The following VAT1L variants were observed in gnomAD, a reference collection of about 807,000 sequenced individuals.
The protein encoded by VAT1L is putative NADPH-dependent quinone oxidoreductase VAT1L.
VAT1L carries 34 observed loss-of-function variants against 44.1 expected under a neutral mutation model. The ratio of observed to expected loss-of-function variants is 0.77; its 90% confidence interval spans 0.59 to 1.03. The LOEUF (loss-of-function observed/expected upper bound fraction) is 1.03, where lower values mean the gene tolerates loss of function less well. Ranked by LOEUF, VAT1L falls within the 50% of genes least tolerant of loss-of-function variation. The pLI is 0.00. For missense variants in VAT1L, 615 were observed against 538.8 expected (o/e 1.14, Z -1.40); for synonymous variants, 253 against 202.2 (o/e 1.25, Z -2.13).
intron 3 of VAT1L, among the ~76,000 whole-genome samples, chr16:77,826,898 C>G (rs902056617): frequency 2.6e-5 from 4 of 152,230 alleles, no homozygotes; most frequent in African/African-American, 4.8e-5. Flanking sequence ...TTTGGTGTAT[C>G]TCAGAGATAT....
intron 2 of VAT1L, among the ~76,000 whole-genome samples, chr16:77,820,637 G>T (rs1474350623): frequency 6.6e-6 from 1 of 152,146 alleles, no homozygotes; most frequent in African/African-American, 2.4e-5. Context: ...TCTGCAGAGA[G>T]ACAGATCTGA....
At chr16:77,844,213 GA>G (rs1327158508) in intron 3 of VAT1L, among the ~76,000 whole-genome samples, 1 of 152,068 alleles carries the variant, frequency 6.6e-6, no homozygotes, top group Non-Finnish European at 1.5e-5. Context: ...AATATTTTTT[GA>G]AAATGGATAC....
intron 7 of VAT1L, among the ~76,000 whole-genome samples, chr16:77,885,627 T>G (rs1368074768): frequency 6.6e-6 from 1 of 151,892 alleles, no homozygotes; most frequent in African/African-American, 2.4e-5. Context: ...TTTTAAAATA[T>G]GTGGGAATGT....
chr16:77,849,439 GCTC>G (rs1210879423), intron 3 of VAT1L, among the ~76,000 whole-genome samples: 1 of 152,184 alleles, frequency 6.6e-6, no homozygotes, highest in African/African-American at 2.4e-5. Context: ...TGTACCAGGG[GCTC>G]CAGATAAGAG....
chr16:77,859,668 T>C (rs1458173054), intron 3 of VAT1L, among the ~76,000 whole-genome samples: 1 of 152,166 alleles, frequency 6.6e-6, no homozygotes, highest in Admixed American at 6.5e-5. Flanking sequence ...AGAAATGTGA[T>C]GATCCAGACT....
At chr16:77,919,656 G>T (rs1280442215) in intron 7 of VAT1L, among the ~76,000 whole-genome samples, 1 of 152,184 alleles carries the variant, frequency 6.6e-6, no homozygotes, top group Admixed American at 6.5e-5. Context: ...GAAGGACAAA[G>T]AAATTACAAA....
intron 3 of VAT1L, among the ~76,000 whole-genome samples, chr16:77,840,030 G>A (rs1001258186): frequency 2.3e-5 from 3 of 132,086 alleles, no homozygotes; most frequent in African/African-American, 8.8e-5. Flanking sequence ...CTTCATCTAA[G>A]ACTCAGTTTC....
Position 77,825,399 on chromosome 16 carries a change from T to A in VAT1L, c.517T>A (p.Phe173Ile), listed in dbSNP as rs183892918. The A allele has an allele frequency of 6.8e-6, 11 of 1,613,118 alleles. No individual in the cohort carries two copies. The highest frequency in any genetic ancestry group is 9.3e-6 in the Non-Finnish European group (11 of 1,179,622). Residue 173 changes from phenylalanine to isoleucine, a missense_variant, in exon 3 of 9, where the codon TTT becomes ATT. Physicochemically the swap from Phe to Ile is conservative, Grantham distance 21. Coordinates refer to ENST00000302536, the MANE Select transcript of VAT1L (RefSeq NM_020927.3). ...MNFVTAYVML[F>I]EVANLREGMS... is the part of the protein sequence containing the mutation. ...CTTCGTCACAGCCTATGTGATGCTG[T>A]TTGAAGTTGCCAACCTCCGGGAAGG...
Position 77,879,457 on chromosome 16 carries a change from A to C in VAT1L, c.882+233A>C, listed in dbSNP as rs1045602321. Reference sequence around the variant, plus strand: ...AGGCATGCGCCACCATACCCAGCTAATTTTTGTATTTGTAGTAGAGACGGG... The same window carrying C: ...AGGCATGCGCCACCATACCCAGCTACTTTTTGTATTTGTAGTAGAGACGGG... On this transcript the variant is annotated intron_variant, in intron 6 of 8. Transcript: ENST00000302536. This position sits in a 1 kb window ranked among gnomAD's most constrained non-coding sequence, Gnocchi z 4.1. 1.3e-5 allele frequency among the ~76,000 whole-genome samples: 2 copies of C among 151,996 alleles called. No homozygotes were observed. The highest frequency in any genetic ancestry group is 2.9e-5 in the Non-Finnish European group (2 of 68,012).
intron 7 of VAT1L, among the ~76,000 whole-genome samples, chr16:77,938,599 G>C (rs1314263619): frequency 2.0e-5 from 3 of 152,082 alleles, no homozygotes; most frequent in Admixed American, 1.3e-4. Flanking sequence ...TGTTGCTTCT[G>C]CTCTGGCCAT....
intron 7 of VAT1L, among the ~76,000 whole-genome samples, chr16:77,965,773 C>T (rs2018216471): frequency 6.6e-6 from 1 of 152,166 alleles, no homozygotes; most frequent in Admixed American, 6.5e-5. Flanking sequence ...ACAAAGACCT[C>T]TAGGTGAGGC....
chr16:77,841,650 G>A (rs1183894988), intron 3 of VAT1L, among the ~76,000 whole-genome samples: 1 of 152,192 alleles, frequency 6.6e-6, no homozygotes. Flanking sequence ...GCTTTTTAGA[G>A]TGGGCTTCAT....
In VAT1L at chr16:77,925,847, C is replaced by A. The variant is rs113485323; in HGVS notation, c.1077+41045C>A. 2.5e-3 allele frequency among the ~76,000 whole-genome samples: 378 copies of A among 152,268 alleles called. 2 individuals carry two copies. The highest frequency in any genetic ancestry group is 8.7e-3 in the African/African-American group (360 of 41,534). ...CATCTTCCTTTAATTCCCCCCACCT[C>A]CCCCTGCTTCTGGCTTTGAAAGTCC... On this transcript the variant is annotated intron_variant, in intron 7 of 8. Coordinates refer to ENST00000302536, the MANE Select transcript of VAT1L (RefSeq NM_020927.3).
chr16:77,935,823 C>A (rs115620338), intron 7 of VAT1L, among the ~76,000 whole-genome samples: 2,236 of 152,198 alleles, frequency 0.015, 55 homozygotes, highest in African/African-American at 0.05. Context: ...ACCCTATGAG[C>A]TTCAGTTTTT....
intron 6 of VAT1L, chr16:77,882,545 C>A (rs189977480): frequency 6.6e-6 from 1 of 152,192 alleles, no homozygotes; most frequent in Non-Finnish European, 1.5e-5. Context: ...TCATAACCAC[C>A]CCATGAGGAA....
At chr16:77,935,571 GGGAGAAAA>G (rs1223389203) in intron 7 of VAT1L, among the ~76,000 whole-genome samples, 1 of 151,632 alleles carries the variant, frequency 6.6e-6, no homozygotes. Flanking sequence ...TGGCGGGGAA[GGGAGAAAA>G]GGAGAAGAAA....
chr16:77,957,285 A>G (rs1330743233), intron 7 of VAT1L, among the ~76,000 whole-genome samples: 1 of 152,204 alleles, frequency 6.6e-6, no homozygotes, highest in Non-Finnish European at 1.5e-5. Context: ...CATAGCTACC[A>G]ATCTATGAGT....
At chr16:77,957,795 A>G (rs1245734788) in intron 7 of VAT1L, among the ~76,000 whole-genome samples, 1 of 149,398 alleles carries the variant, frequency 6.7e-6, no homozygotes, top group East Asian at 1.9e-4. Context: ...AATAATAATA[A>G]TTATAAAATA....
At chr16:77,950,667 T>A (rs1426521148) in intron 7 of VAT1L, among the ~76,000 whole-genome samples, 5 of 152,352 alleles carry the variant, frequency 3.3e-5, no homozygotes, top group African/African-American at 1.2e-4. Context: ...TTAATCATCC[T>A]AAGCCTGATG....
Sources: gnomAD v4.1 joint callset for allele counts (sites outside exome capture counted in the v4.1 genomes callset) on GRCh38, gnomAD v4.1.1 for gene constraint, Gnocchi (gnomAD v3.1) non-coding constraint, MANE v1.5 for transcripts, NCBI Gene and HGNC (gene_info 2026-07-23, HGNC 2026-07-21) for gene names.